Variants in MAST4 observed in about 807,000 individuals in gnomAD.
MAST4 encodes the protein microtubule associated serine/threonine kinase family member 4.
In MAST4, 89 loss-of-function variants were observed where a neutral mutation model predicts 162.7. That is an observed-to-expected ratio of 0.55 (90% CI 0.46 to 0.65). The LOEUF (loss-of-function observed/expected upper bound fraction) is 0.65, where lower values mean the gene tolerates loss of function less well. Ranked by LOEUF, MAST4 falls within the 30% of genes least tolerant of loss-of-function variation. The pLI is 0.00. For missense variants in MAST4, 3,153 were observed against 3,374.0 expected (o/e 0.93, Z 1.62); for synonymous variants, 1,479 against 1,361.1 (o/e 1.09, Z -1.91).
intron 1 of MAST4, among the ~76,000 whole-genome samples, chr5:66,608,330 A>G (rs1285375094): frequency 7.3e-6 from 1 of 137,282 alleles, no homozygotes; most frequent in African/African-American, 2.8e-5. Context: ...TGCTGGGATT[A>G]CAGACATGAA....
At chr5:66,837,024 A>ATGTGTGTGTGTGTGTGTGTG (rs56366963) in intron 3 of MAST4, among the ~76,000 whole-genome samples, 3 of 150,212 alleles carry the variant, frequency 2.0e-5, no homozygotes, top group African/African-American at 7.4e-5. Flanking sequence ...ATGCAGGATC[A>ATGTGTGTGTGTGTGTGTGTG]TGTGTGTGTG....
chr5:66,856,384 A>T (rs758354643), intron 3 of MAST4, among the ~76,000 whole-genome samples: 10 of 152,198 alleles, frequency 6.6e-5, no homozygotes, highest in South Asian at 2.1e-4. Flanking sequence ...GATGGTTTGG[A>T]TGGGAAAATG....
At chr5:66,882,875 G>A (rs958601346) in intron 3 of MAST4, among the ~76,000 whole-genome samples, 8 of 151,978 alleles carry the variant, frequency 5.3e-5, no homozygotes, top group African/African-American at 1.5e-4. Context: ...AGTTTCTACC[G>A]AGATTTAAAA....
chr5:67,082,297 C>T (rs1028200310), intron 5 of MAST4, among the ~76,000 whole-genome samples: 5 of 152,138 alleles, frequency 3.3e-5, no homozygotes, highest in East Asian at 1.9e-4. Flanking sequence ...TACAGGCACA[C>T]GCCACCACGC....
At chr5:67,044,388 A>T (rs751628795) in intron 4 of MAST4, among the ~76,000 whole-genome samples, 1 of 152,200 alleles carries the variant, frequency 6.6e-6, no homozygotes, top group Non-Finnish European at 1.5e-5. Flanking sequence ...CATGTTGCAG[A>T]TAAATTGCAC....
chr5:67,078,937 TA>T (rs1256591982), intron 5 of MAST4, among the ~76,000 whole-genome samples: 7 of 95,364 alleles, frequency 7.3e-5, no homozygotes, highest in African/African-American at 2.5e-4. Context: ...TATATATATA[TA>T]TATATATATA....
chr5:66,753,654 A>G (rs1002843621), intron 1 of MAST4, among the ~76,000 whole-genome samples: 1 of 151,544 alleles, frequency 6.6e-6, no homozygotes, highest in African/African-American at 2.4e-5. Context: ...TTGTGGCAAT[A>G]ATCAATAGCT....
rs1758504828 is a variant in MAST4, at chr5:67,054,066, A to G, written c.675-338A>G. ...TTGTATTAGAAATTTTGTGTCAACA[A>G]AGATGCTACCTGTGGTTTGCTGATT... On this transcript the variant is annotated intron_variant, in intron 4 of 28. Transcript: ENST00000403625. Among the ~76,000 whole-genome samples, 4 of 152,214 alleles carry G rather than the reference A, an allele frequency of 2.6e-5. No individual in the cohort carries two copies. The South Asian group carries it at 8.3e-4, about 32-fold the overall frequency.
intron 1 of MAST4, among the ~76,000 whole-genome samples, chr5:66,746,093 C>T (rs1448371536): frequency 6.6e-6 from 1 of 152,154 alleles, no homozygotes; most frequent in Non-Finnish European, 1.5e-5. Flanking sequence ...TCCAGTAAAA[C>T]CAGGAAATTA....
chr5:66,914,150 G>T (rs1023624313), intron 4 of MAST4, among the ~76,000 whole-genome samples: 2 of 151,808 alleles, frequency 1.3e-5, no homozygotes, highest in African/African-American at 4.8e-5. Context: ...AAAAAAAAAA[G>T]CCTGTTGATA....
rs140897590 is a variant in MAST4 at position 66,717,911 on chromosome 5, G to T, written c.364-41798G>T. On this transcript the variant is annotated intron_variant, in intron 1 of 28. Coordinates refer to ENST00000403625, the MANE Select transcript of MAST4 (RefSeq NM_001164664.2). The stretch of plus-strand genomic sequence containing the variant: ...GCTCACTGCCTGAGGGAAGGAAGGA[G>T]GCCGTGGGACCGCTGGGTCTAAGCC... Among the ~76,000 whole-genome samples the T allele has an allele frequency of 1.2e-3, 184 of 152,304 alleles. 1 individual carries two copies. The highest frequency in any genetic ancestry group is 4.3e-3 in the African/African-American group (180 of 41,566).
At chr5:66,895,966 A>G (rs1580797634) in intron 3 of MAST4, among the ~76,000 whole-genome samples, 1 of 152,208 alleles carries the variant, frequency 6.6e-6, no homozygotes, top group African/African-American at 2.4e-5. Context: ...ATTTGTCAAA[A>G]TCATGACTTT....
chr5:66,842,901 A>G lies in MAST4; in HGVS notation c.642+54107A>G, dbSNP rs371153900. Among the ~76,000 whole-genome samples, 31 of 152,272 alleles carry G rather than the reference A, an allele frequency of 2.0e-4. No individual in the cohort carries two copies. In the South Asian group the frequency reaches 6.4e-3, roughly 32 times the overall value. On this transcript the variant is annotated intron_variant, in intron 3 of 28. Coordinates refer to ENST00000403625, the MANE Select transcript of MAST4 (RefSeq NM_001164664.2). ...TGCCTTATATTTAGGTTCCGCTTGT[A>G]TGTCTAGATAAATCTTATCACCATT...
chr5:67,066,375 A>G (rs1373622738), intron 5 of MAST4, among the ~76,000 whole-genome samples: 2 of 151,148 alleles, frequency 1.3e-5, no homozygotes, highest in African/African-American at 4.8e-5. Context: ...TGTGCATTTT[A>G]TATATCTATT....
chr5:66,718,257 G>T (rs10038784), intron 1 of MAST4, among the ~76,000 whole-genome samples: 1,489 of 144,544 alleles, frequency 0.01, 31 homozygotes, highest in African/African-American at 0.037. Context: ...TTTTTTGTTT[G>T]TTTTTTTGTT....
chr5:66,762,411 G>T (rs1753894580), intron 2 of MAST4, among the ~76,000 whole-genome samples: 1 of 152,210 alleles, frequency 6.6e-6, no homozygotes. Flanking sequence ...AGCCCAGGCA[G>T]CTGTTAGTAT....
chr5:66,753,287 G>C (rs1000666391), intron 1 of MAST4, among the ~76,000 whole-genome samples: 2 of 152,026 alleles, frequency 1.3e-5, no homozygotes, highest in African/African-American at 4.8e-5. Flanking sequence ...CAGAAGGCAA[G>C]AAATAACTAA....
intron 4 of MAST4, among the ~76,000 whole-genome samples, chr5:66,957,521 A>G (rs1362308264): frequency 6.6e-6 from 1 of 151,996 alleles, no homozygotes; most frequent in African/African-American, 2.4e-5. Flanking sequence ...TTACATCTCT[A>G]GCTGCCTCTC....
chr5:67,021,331 A>T lies in MAST4; in HGVS notation c.675-33073A>T, dbSNP rs143971294. Among the ~76,000 whole-genome samples, 170 of 152,320 alleles carry T rather than the reference A, an allele frequency of 1.1e-3. 1 individual carries two copies. Among genetic ancestry groups the T allele is most frequent in the African/African-American group, 4.0e-3 (165 of 41,582 alleles). ...ATAGAATTTTCTCTTATCCAAGTGT[A>T]AATACAGGCATGCTATATAGATTGC... is the stretch of plus-strand genomic sequence containing the variant. On this transcript the variant is annotated intron_variant, in intron 4 of 28. Coordinates refer to ENST00000403625, the MANE Select transcript of MAST4 (RefSeq NM_001164664.2).
Sources: allele counts gnomAD v4.1 joint callset (sites outside exome capture counted in the v4.1 genomes callset), GRCh38; gene constraint gnomAD v4.1.1; transcripts MANE v1.5; gene names NCBI Gene and HGNC (gene_info 2026-07-23, HGNC 2026-07-21).